Variants in CNTN1 observed in about 807,000 individuals in gnomAD.
CNTN1 encodes the protein contactin 1, also known as contactin-1.
A neutral mutation model predicts 126.4 loss-of-function variants in CNTN1; 38 were observed. That is an observed-to-expected ratio of 0.30 (90% CI 0.23 to 0.39). The LOEUF is 0.39. Ranked by LOEUF, CNTN1 falls within the 10% of genes least tolerant of loss-of-function variation. CNTN1 has a pLI of 1.00. For synonymous variants in CNTN1, 413 were observed against 422.6 expected (o/e 0.98, Z 0.28); for missense variants, 1,009 against 1,248.4 (o/e 0.81, Z 2.89).
intron 1 of CNTN1, among the ~76,000 whole-genome samples, chr12:40,777,892 T>A (rs1939650535): frequency 6.6e-6 from 1 of 151,806 alleles, no homozygotes; most frequent in South Asian, 2.1e-4. Flanking sequence ...GAAATATGTA[T>A]AAGTAATAAG....
intron 23 of CNTN1, among the ~76,000 whole-genome samples, chr12:41,068,484 G>A (rs138944766): frequency 1.7e-4 from 26 of 152,016 alleles, no homozygotes; most frequent in Non-Finnish European, 2.4e-4. Context: ...ATCTGTATCC[G>A]ATAAAGCTTT....
chr12:40,944,156 C>A lies in CNTN1; in HGVS notation c.1669C>A (p.Gln557Lys), dbSNP rs750424352. The change falls in exon 14 of 24, where the codon CAG becomes AAG. Residue 557 changes from glutamine to lysine, a missense_variant. Coordinates refer to ENST00000551295, the MANE Select transcript of CNTN1 (RefSeq NM_001843.4). Reference sequence around the variant, plus strand: ...TTTTAACAAAGAGAATATTCACTACCAGAGGAATTTTATGGTATGTGTTTT... The same window carrying A: ...TTTTAACAAAGAGAATATTCACTACAAGAGGAATTTTATGGTATGTGTTTT... ...IDFNKENIHYQRNFMLDSNGE... is the reference protein window; with the variant it reads ...IDFNKENIHYKRNFMLDSNGE... 1 of 1,612,854 alleles carries A rather than the reference C, an allele frequency of 6.2e-7. No individual in the cohort carries two copies. Among genetic ancestry groups the A allele is most frequent in the Non-Finnish European group, 8.5e-7 (1 of 1,179,148 alleles).
intron 4 of CNTN1, 31 bp downstream of exon 4, chr12:40,918,802 G>A: frequency 6.2e-7 from 1 of 1,611,816 alleles, no homozygotes; most frequent in Non-Finnish European, 8.5e-7. Flanking sequence ...TTTCAGAGTG[G>A]AGTGTCAGAG....
chr12:40,802,860 A>G (rs971307249), intron 1 of CNTN1, among the ~76,000 whole-genome samples: 1 of 152,004 alleles, frequency 6.6e-6, no homozygotes, highest in Non-Finnish European at 1.5e-5. Flanking sequence ...GCATGCCAGA[A>G]ACTGTTGCCA....
intron 1 of CNTN1, among the ~76,000 whole-genome samples, chr12:40,731,408 G>A (rs527810806): frequency 6.6e-6 from 1 of 151,832 alleles, no homozygotes; most frequent in East Asian, 1.9e-4. Flanking sequence ...AAAACCATGG[G>A]GAAAATGGAT....
At chr12:40,706,105 T>G (rs943765567) in intron 1 of CNTN1, among the ~76,000 whole-genome samples, 11 of 150,596 alleles carry the variant, frequency 7.3e-5, no homozygotes, top group African/African-American at 2.4e-4. Context: ...TTTATATATA[T>G]ATATATAGAT....
At chr12:40,959,044 C>T in intron 14 of CNTN1, 70 bp from the exon 15 acceptor site, 2 of 1,600,030 alleles carry the variant, frequency 1.2e-6, no homozygotes, top group Non-Finnish European at 1.7e-6. Flanking sequence ...AAAACTACCT[C>T]TTGGATCTTA....
chr12:40,933,933 A>G, intron 9 of CNTN1, 55 bp downstream of exon 9: 1 of 1,366,178 alleles, frequency 7.3e-7, no homozygotes, highest in Non-Finnish European at 1.0e-6. Context: ...ATTTAGAGCC[A>G]TTTCCATACA....
Position 40,692,439 on chromosome 12 carries a change from G to A in CNTN1, c.-230G>A, listed in dbSNP as rs1210731010. ...GCCCCAATAACCGCCCTAAAAGGCCGGGCTTCTGCTGTCAAGTAGCCAGGG... is the reference window on the plus strand; with the variant it reads ...GCCCCAATAACCGCCCTAAAAGGCCAGGCTTCTGCTGTCAAGTAGCCAGGG... On this transcript the variant is annotated 5_prime_UTR_variant, in exon 1 of 24. Transcript: ENST00000551295. The A allele has an allele frequency of 3.3e-5, 5 of 152,418 alleles. No individual in the cohort carries two copies. Among genetic ancestry groups the A allele is most frequent in the Admixed American group, 3.3e-4 (5 of 15,286 alleles). The allele number at this position is 152,418 out of a possible 1,614,324, so 9.4% of individuals were successfully genotyped here.
At chr12:40,732,353 C>T (rs186275992) in intron 1 of CNTN1, among the ~76,000 whole-genome samples, 5 of 151,868 alleles carry the variant, frequency 3.3e-5, no homozygotes, top group Admixed American at 2.6e-4. Flanking sequence ...AGAACATTCC[C>T]GCATAAAAGT....
intron 1 of CNTN1, among the ~76,000 whole-genome samples, chr12:40,711,731 A>G (rs902252417): frequency 6.6e-6 from 1 of 151,526 alleles, no homozygotes; most frequent in African/African-American, 2.4e-5. Flanking sequence ...TTTTTTTAAG[A>G]GACAGGATCT....
intron 1 of CNTN1, among the ~76,000 whole-genome samples, chr12:40,892,099 G>A (rs978157478): frequency 2.5e-4 from 38 of 152,040 alleles, no homozygotes; most frequent in Non-Finnish European, 4.4e-4. Flanking sequence ...TGTCTAAAAC[G>A]TTTACCCTCT....
intron 15 of CNTN1, among the ~76,000 whole-genome samples, chr12:40,959,617 A>G (rs895007945): frequency 6.6e-6 from 1 of 152,042 alleles, no homozygotes; most frequent in Non-Finnish European, 1.5e-5. Context: ...TATAACCTCA[A>G]CTGTTATATA....
Position 41,071,317 on chromosome 12 carries a change from T to A in CNTN1, c.*1282T>A, listed in dbSNP as rs1262254057. The A allele has an allele frequency of 6.6e-6, 1 of 152,160 alleles. No homozygotes were observed. Among genetic ancestry groups the A allele is most frequent in the African/African-American group, 2.4e-5 (1 of 41,438 alleles). 9.4% of individuals were successfully genotyped at this position (152,160 alleles called of 1,614,324 possible). A position where few individuals can be genotyped will look rare whatever the true frequency, so the allele number is the denominator to read the frequency against. On this transcript the variant is annotated 3_prime_UTR_variant, in exon 24 of 24. Transcript: ENST00000551295. ...AAGATGCACATTTCTTCATTCTCCATGGTGTGCATGGAAATGTGTTTGAGT... is the reference window on the plus strand; with the variant it reads ...AAGATGCACATTTCTTCATTCTCCAAGGTGTGCATGGAAATGTGTTTGAGT...
intron 1 of CNTN1, among the ~76,000 whole-genome samples, chr12:40,769,367 T>C (rs970306753): frequency 4.6e-5 from 7 of 152,194 alleles, no homozygotes; most frequent in African/African-American, 1.7e-4. Flanking sequence ...TTAATGTTAT[T>C]AAATATCATA....
At chr12:41,058,931 T>G (rs575679650) in intron 23 of CNTN1, among the ~76,000 whole-genome samples, 57 of 152,318 alleles carry the variant, frequency 3.7e-4, no homozygotes, top group Admixed American at 1.5e-3. Flanking sequence ...CAGCTTGTTA[T>G]GATCCTCTTA....
At chr12:40,949,893 A>G (rs1284189689) in intron 14 of CNTN1, among the ~76,000 whole-genome samples, 2 of 150,780 alleles carry the variant, frequency 1.3e-5, no homozygotes, top group Admixed American at 1.3e-4. Flanking sequence ...ACTGTTGAAC[A>G]AGAAGGTTAA....
intron 1 of CNTN1, among the ~76,000 whole-genome samples, chr12:40,737,359 G>GTGTGTGTATA (rs1304140380): frequency 7.9e-5 from 9 of 113,246 alleles, no homozygotes; most frequent in African/African-American, 3.0e-4. Context: ...ATGTGTGTGT[G>GTGTGTGTATA]TATATATATA....
intron 1 of CNTN1, among the ~76,000 whole-genome samples, chr12:40,862,208 TACACAC>T (rs145686900): frequency 9.5e-5 from 14 of 147,254 alleles, no homozygotes; most frequent in East Asian, 6.0e-4. Flanking sequence ...TGTCTCTTAA[TACACAC>T]ACACACACAC....
Sources: gnomAD v4.1 joint callset for allele counts (sites outside exome capture counted in the v4.1 genomes callset) on GRCh38, gnomAD v4.1.1 for gene constraint, MANE v1.5 for transcripts, NCBI Gene and HGNC (gene_info 2026-07-23, HGNC 2026-07-21) for gene names.